The following TPPP2 variants were observed in gnomAD, a reference collection of about 807,000 sequenced individuals.
TPPP2 encodes the protein tubulin polymerization-promoting protein family member 2.
A neutral mutation model predicts 13.0 loss-of-function variants in TPPP2; 8 were observed. The observed-to-expected ratio is 0.62, with a 90% CI of 0.36 to 1.11. The LOEUF is 1.11. Ranked by LOEUF, TPPP2 falls within the 50% of genes most tolerant of loss-of-function variation. The probability of loss-of-function intolerance (pLI) is 0.02; values close to 1 mark genes in which losing one functional copy is unlikely to be tolerated. For missense variants in TPPP2, 213 were observed against 216.9 expected, an observed-to-expected ratio of 0.98 and a Z score of 0.11; for synonymous variants, 81 against 81.8, an observed-to-expected ratio of 0.99 and a Z score of 0.05.
chr14:21,034,448 C>G (rs1258866858), downstream of TPPP2, among the ~76,000 whole-genome samples: 1 of 152,176 alleles, frequency 6.6e-6, no homozygotes, highest in Non-Finnish European at 1.5e-5. Flanking sequence ...AGATGCTTGC[C>G]CAAGGCCACC....
upstream of TPPP2, chr14:21,025,647 C>A: frequency 1.0e-6 from 1 of 985,332 alleles, no homozygotes; most frequent in Non-Finnish European, 1.2e-6. The surrounding 1 kb of genome is among the most constrained non-coding windows in gnomAD (Gnocchi z 5.1). Flanking sequence ...CGCAGGAGTT[C>A]CGACTCCCTC....
chr14:21,032,444 A>T lies in TPPP2; in HGVS notation c.*367A>T, dbSNP rs1048147720. The T allele has an allele frequency of 4.9e-6, 2 of 411,886 alleles. No individual in the cohort carries two copies. The highest frequency in any genetic ancestry group is 9.6e-6 in the Non-Finnish European group (2 of 207,424). The allele number at this position is 411,886 out of a possible 1,614,324, so 25.5% of individuals were successfully genotyped here. On this transcript the variant is annotated 3_prime_UTR_variant, in exon 4 of 4. Transcript: ENST00000321760. Reference sequence around the variant, plus strand: ...ATCCACCTCTCCACCCCCACCCCTCAAAAGGGTGTAGCAATTCCTCACGTG... The same window carrying T: ...ATCCACCTCTCCACCCCCACCCCTCTAAAGGGTGTAGCAATTCCTCACGTG...
chr14:21,033,848 T>C, downstream of TPPP2: 1 of 1,613,360 alleles, frequency 6.2e-7, no homozygotes, highest in South Asian at 1.1e-5. Context: ...CAGCGATACC[T>C]ATTGGATCAG....
Position 21,025,079 on chromosome 14 carries a change from G to C in TPPP2, n.236+735G>C, listed in dbSNP as rs947731982. 1.0e-6 allele frequency: 1 copy of C among 985,630 alleles called. No homozygotes were observed. Among genetic ancestry groups the C allele is most frequent in the Non-Finnish European group, 1.2e-6 (1 of 830,430 alleles). The allele number at this position is 985,630 out of a possible 1,614,324, so 61.1% of individuals were successfully genotyped here. On this transcript the variant is annotated intron_variant and non_coding_transcript_variant, in intron 1 of 1. Transcript: ENST00000533755. The surrounding 1 kb of genome is among the most constrained non-coding windows in gnomAD (Gnocchi z 5.1). Reference sequence around the variant, plus strand: ...CTTCACTTGCCTTTGACTCGGGCCCGCCCCGGCTCGGGCTTCCCGCAGACC... The same window carrying C: ...CTTCACTTGCCTTTGACTCGGGCCCCCCCCGGCTCGGGCTTCCCGCAGACC...
At chr14:21,033,562 T>G, downstream of TPPP2, 2 of 523,412 alleles carry the variant, frequency 3.8e-6, no homozygotes, top group Non-Finnish European at 6.9e-6. Flanking sequence ...CTTGGGTGGG[T>G]TTTACTGTCT....
downstream of TPPP2, among the ~76,000 whole-genome samples, chr14:21,034,983 C>T (rs569656916): frequency 8.5e-5 from 13 of 152,342 alleles, no homozygotes; most frequent in South Asian, 2.3e-3. Context: ...AGCCTGTGCT[C>T]TCGTGGCAAG....
chr14:21,035,047 G>C (rs74824766), downstream of TPPP2, among the ~76,000 whole-genome samples: 3,074 of 152,252 alleles, frequency 0.02, 102 homozygotes, highest in East Asian at 0.1. Flanking sequence ...TCTTATTCCT[G>C]ACCCTCAGAG....
chr14:21,025,234 G>C (rs907321890), upstream of TPPP2: 10 of 827,920 alleles, frequency 1.2e-5, no homozygotes, highest in African/African-American at 1.8e-5. This position sits in a 1 kb window ranked among gnomAD's most constrained non-coding sequence, Gnocchi z 5.1. Context: ...TGCTGGGGCC[G>C]GGGGGCGAGG....
intron 1 of TPPP2, 47 bp downstream of exon 1, chr14:21,030,351 A>T (rs912589937): frequency 9.2e-6 from 5 of 541,394 alleles, no homozygotes; most frequent in South Asian, 2.2e-5. Flanking sequence ...AGTAGGTAGG[A>T]TCCACACTGG....
chr14:21,024,728 C>G, intron 1 of TPPP2: 1 of 985,480 alleles, frequency 1.0e-6, no homozygotes, highest in Non-Finnish European at 1.2e-6. Flanking sequence ...AGGAGACCGG[C>G]CGGGCCCAGC....
chr14:21,033,105 A>G (rs1197664747), downstream of TPPP2: 1 of 410,436 alleles, frequency 2.4e-6, no homozygotes, highest in African/African-American at 2.1e-5. Flanking sequence ...TTGAAATGCC[A>G]GTGAGCCAAG....
At chr14:21,024,359 C>T (rs1305728476) in intron 1 of TPPP2, 22 of 957,900 alleles carry the variant, frequency 2.3e-5, no homozygotes, top group Non-Finnish European at 2.7e-5. Context: ...GAGGGTGGCC[C>T]TGTCAGAACC....
Position 21,031,007 on chromosome 14 carries a change from A to C in TPPP2, c.174-5A>C. Reference sequence around the variant, plus strand: ...AAGTTTCTGGATTTCTGTCTAACTGACCAGGGCCAAGAACGCCCGAACCAT... The same window carrying C: ...AAGTTTCTGGATTTCTGTCTAACTGCCCAGGGCCAAGAACGCCCGAACCAT... On this transcript the variant is annotated splice_region_variant and splice_polypyrimidine_tract_variant and intron_variant, in intron 2 of 3. Transcript: ENST00000321760. 1.2e-6 allele frequency: 2 copies of C among 1,601,734 alleles called. No homozygotes were observed. The highest frequency in any genetic ancestry group is 1.7e-6 in the Non-Finnish European group (2 of 1,174,666).
chr14:21,025,597 T>G (rs1312764053), upstream of TPPP2: 27 of 985,070 alleles, frequency 2.7e-5, no homozygotes, highest in Non-Finnish European at 2.9e-5. The surrounding 1 kb of genome is among the most constrained non-coding windows in gnomAD (Gnocchi z 5.1). Flanking sequence ...CAGGGGCAGG[T>G]GTGCTGGCGC....
rs1240870713 is a variant in TPPP2, at chr14:21,032,609, G to A, written c.*532G>A. ...TCTATTACAAATTTGTTCCAGAGCT[G>A]GGGTAAGGGGAGAGTCTATTTTCAA... On this transcript the variant is annotated 3_prime_UTR_variant, in exon 4 of 4. Transcript: ENST00000321760. 8.7e-6 allele frequency: 3 copies of A among 344,018 alleles called. No homozygotes were observed. The highest frequency in any genetic ancestry group is 1.7e-5 in the Non-Finnish European group (3 of 176,984). The allele number at this position is 344,018 out of a possible 1,614,324, so 21.3% of individuals were successfully genotyped here.
chr14:21,025,466 C>A (rs906657132), upstream of TPPP2: 3 of 985,438 alleles, frequency 3.0e-6, no homozygotes, highest in Non-Finnish European at 3.6e-6. The surrounding 1 kb of genome is among the most constrained non-coding windows in gnomAD (Gnocchi z 5.1). Context: ...AGTGGGGAGA[C>A]GAACCCGGGA....
At position 21,031,163 on chromosome 14, in the gene TPPP2, A is replaced by T; in HGVS notation, c.325A>T (p.Thr109Ser). 1 of 1,613,394 alleles carries T rather than the reference A, an allele frequency of 6.2e-7. No homozygotes were observed. The highest frequency in any genetic ancestry group is 8.5e-7 in the Non-Finnish European group (1 of 1,179,714). ...EGKDPATTGA[T>S]KATTVGAVDR... is the part of the protein sequence containing the mutation. ...CAAAGACCCAGCCACCACTGGCGCT[A>T]CTGTGAGTGACAGCCTTCATCCCCT... Residue 109 changes from threonine (T) to serine (S), a missense_variant and splice_region_variant, in exon 3 of 4, where the codon ACT becomes TCT. Physicochemically the swap from Thr to Ser is moderately conservative, Grantham distance 58. Transcript: ENST00000321760.
chr14:21,029,958 C>T (rs566122134), upstream of TPPP2, among the ~76,000 whole-genome samples: 3 of 152,328 alleles, frequency 2.0e-5, no homozygotes, highest in African/African-American at 7.2e-5. Flanking sequence ...CTTCCCTGGG[C>T]TCGCCTCAGC....
upstream of TPPP2, among the ~76,000 whole-genome samples, chr14:21,027,828 G>T (rs1237988409): frequency 6.6e-6 from 1 of 152,194 alleles, no homozygotes; most frequent in African/African-American, 2.4e-5. Context: ...TTTGTTCCTA[G>T]GATGAACCAC....
Sources: gnomAD v4.1 joint callset for allele counts (sites outside exome capture counted in the v4.1 genomes callset) on GRCh38, gnomAD v4.1.1 for gene constraint, Gnocchi (gnomAD v3.1) non-coding constraint, MANE v1.5 for transcripts, NCBI Gene and HGNC (gene_info 2026-07-23, HGNC 2026-07-21) for gene names.